ABLIM1: variants seen among roughly 807,000 people sequenced by gnomAD.
ABLIM1 encodes the protein actin-binding LIM protein 1.
Under a neutral mutation model 107.0 loss-of-function variants are expected in ABLIM1, and 40 were observed. The observed-to-expected ratio is 0.37, with a 90% CI of 0.29 to 0.49. The LOEUF is 0.49. ABLIM1 is among the 20% of genes least tolerant of loss of function. ABLIM1 has a pLI of 0.97. For synonymous variants in ABLIM1, 357 were observed against 357.3 expected (o/e 1.00, Z 0.01); for missense variants, 857 against 1,008.5 (o/e 0.85, Z 2.04).
At chr10:114,526,891 G>T (rs963932335) in intron 6 of ABLIM1, 2 of 985,458 alleles carry the variant, frequency 2.0e-6, no homozygotes, top group Non-Finnish European at 2.4e-6. Flanking sequence ...CCCCGTGTGC[G>T]GCGGGCAGGC....
At chr10:114,593,793 A>T (rs1399761247) in intron 2 of ABLIM1, among the ~76,000 whole-genome samples, 1 of 80,908 alleles carries the variant, frequency 1.2e-5, no homozygotes, top group Non-Finnish European at 2.8e-5. Context: ...AAAATCAGTA[A>T]GCAGTGTTAT....
chr10:114,749,449 A>C (rs949409938), intron 1 of ABLIM1, among the ~76,000 whole-genome samples: 203 of 67,940 alleles, frequency 3.0e-3, no homozygotes, highest in Non-Finnish European at 6.1e-3. Flanking sequence ...CAACACACAC[A>C]CCACACACAC....
intron 1 of ABLIM1, among the ~76,000 whole-genome samples, chr10:114,626,907 A>G (rs1182468171): frequency 6.6e-6 from 1 of 152,180 alleles, no homozygotes; most frequent in Non-Finnish European, 1.5e-5. Flanking sequence ...AGTTGCTTCT[A>G]TAAGCCAAGG....
rs1476146464 is a variant in ABLIM1 at position 114,437,876 on chromosome 10, T to C, written c.2191A>G (p.Ile731Val). The C allele has an allele frequency of 6.2e-7, 1 of 1,614,148 alleles. No individual in the cohort carries two copies. Among genetic ancestry groups the C allele is most frequent in the Non-Finnish European group, 8.5e-7 (1 of 1,180,020 alleles). The change falls in exon 22 of 23, where the codon ATC becomes GTC. Residue 731 changes from isoleucine (I) to valine (V), a missense_variant. This residue lies in a region of ABLIM1 where 193 missense variants were observed against 208.5 expected (regional missense o/e 0.93). Transcript: ENST00000533213. ...CTGGTTCTGTCCACCTCTCTGAGGA[T>C]TTTGTTTCGCCCTCTGTTGGTCACC... ...LMVTNRGRNK[I>V]LREVDRTRLE...
intron 1 of ABLIM1, among the ~76,000 whole-genome samples, chr10:114,739,733 A>G (rs1241046712): frequency 2.0e-5 from 3 of 152,188 alleles, no homozygotes; most frequent in Admixed American, 6.5e-5. Context: ...TGCCATCAAA[A>G]ACATGAATCC....
At position 114,631,659 on chromosome 10, in the gene ABLIM1, G is replaced by A. The variant is rs555662313; in HGVS notation, c.244+26298C>T. On this transcript the variant is annotated intron_variant, in intron 1 of 22. Coordinates refer to ENST00000533213, the MANE Select transcript of ABLIM1 (RefSeq NM_002313.7). ...TCAAAATGCAATAGCAATCAAAAGA[G>A]ACATACACCCCAGAGCTCAGCTGTG... 7.9e-5 allele frequency among the ~76,000 whole-genome samples: 12 copies of A among 152,100 alleles called. No individual in the cohort carries two copies. The South Asian group carries it at 2.5e-3, about 32-fold the overall frequency.
chr10:114,704,271 G>GCGCT (rs1415589522), intron 1 of ABLIM1, among the ~76,000 whole-genome samples: 2 of 40,958 alleles, frequency 4.9e-5, no homozygotes, highest in African/African-American at 1.5e-4. Flanking sequence ...TCTCTCTCTC[G>GCGCT]CTCTCTCTCT....
intron 1 of ABLIM1, chr10:114,632,434 T>C: frequency 1.0e-6 from 1 of 985,458 alleles, no homozygotes; most frequent in South Asian, 4.7e-5. Context: ...ACAGTCGCTT[T>C]CAATTTTTAC....
At chr10:114,520,460 T>C (rs984459132) in intron 6 of ABLIM1, among the ~76,000 whole-genome samples, 6 of 151,998 alleles carry the variant, frequency 3.9e-5, no homozygotes, top group African/African-American at 1.2e-4. Context: ...TTCCTTGGTG[T>C]AAGTTTCATA....
At chr10:114,520,659 GA>G (rs546575734) in intron 6 of ABLIM1, among the ~76,000 whole-genome samples, 13 of 151,560 alleles carry the variant, frequency 8.6e-5, no homozygotes, top group African/African-American at 3.2e-4. Context: ...GTTAAAAAAA[GA>G]AAAAAAAGAA....
At chr10:114,798,062 T>C in the ABLIM1 span, among the ~76,000 whole-genome samples, 1 of 152,248 alleles carries the variant, frequency 6.6e-6, no homozygotes, top group Non-Finnish European at 1.5e-5. Flanking sequence ...ATAATGACTA[T>C]GTTACTATGT....
At chr10:114,641,247 TAAAAAAA>T (rs35168530) in intron 1 of ABLIM1, among the ~76,000 whole-genome samples, 17 of 37,060 alleles carry the variant, frequency 4.6e-4, no homozygotes, top group African/African-American at 3.4e-4. Flanking sequence ...AAGCCAATCA[TAAAAAAA>T]AAAAAAAAAA....
At chr10:114,648,377 C>T (rs2079094495) in intron 1 of ABLIM1, among the ~76,000 whole-genome samples, 1 of 152,318 alleles carries the variant, frequency 6.6e-6, no homozygotes, top group South Asian at 2.1e-4. Flanking sequence ...ATAAATGCTA[C>T]CGCCTCGATG....
chr10:114,448,596 A>T (rs10749165), intron 14 of ABLIM1, among the ~76,000 whole-genome samples: 96,772 of 151,594 alleles, frequency 0.64, 31,925 homozygotes, highest in African/African-American at 0.82. Context: ...GTTGGTCCAG[A>T]TCATTCTTTT....
At chr10:114,670,955 G>A (rs914602673) in intron 1 of ABLIM1, among the ~76,000 whole-genome samples, 1 of 152,022 alleles carries the variant, frequency 6.6e-6, no homozygotes, top group African/African-American at 2.4e-5. Flanking sequence ...TACCTACAAA[G>A]TTCACAAATC....
chr10:114,489,665 G>T (rs142892373), intron 7 of ABLIM1, among the ~76,000 whole-genome samples: 6 of 152,148 alleles, frequency 3.9e-5, no homozygotes, highest in African/African-American at 1.2e-4. Flanking sequence ...AGCATTCGCC[G>T]TGAAGGTTCT....
chr10:114,622,949 T>C (rs2077560354), intron 1 of ABLIM1, among the ~76,000 whole-genome samples: 1 of 152,156 alleles, frequency 6.6e-6, no homozygotes, highest in Non-Finnish European at 1.5e-5. Context: ...GATAGCTGAT[T>C]AACTCTTTTC....
chr10:114,497,124 C>A (rs1297829324), intron 6 of ABLIM1, among the ~76,000 whole-genome samples: 1 of 152,192 alleles, frequency 6.6e-6, no homozygotes, highest in Non-Finnish European at 1.5e-5. Flanking sequence ...CTAAATAGCG[C>A]TCATATAAGA....
At chr10:114,459,210 C>T (rs1205689137) in intron 12 of ABLIM1, among the ~76,000 whole-genome samples, 1 of 152,230 alleles carries the variant, frequency 6.6e-6, no homozygotes. Context: ...GACATCCTAC[C>T]TTAGGTCAAG....
Sources: gnomAD v4.1 joint callset for allele counts (sites outside exome capture counted in the v4.1 genomes callset) on GRCh38, gnomAD v4.1.1 for gene constraint, gnomAD v4.1.1 regional missense constraint, MANE v1.5 for transcripts, NCBI Gene and HGNC (gene_info 2026-07-23, HGNC 2026-07-21) for gene names.